Variants in MYADM observed in about 807,000 individuals in gnomAD.
MYADM encodes the protein myeloid associated differentiation marker.
For synonymous variants in MYADM, 224 were observed against 210.2 expected, an observed-to-expected ratio of 1.07 and a Z score of -0.57; for missense variants, 416 against 443.4, an observed-to-expected ratio of 0.94 and a Z score of 0.56.
intron 2 of MYADM, among the ~76,000 whole-genome samples, chr19:53,870,625 A>C (rs167416): frequency 6.6e-6 from 1 of 152,156 alleles, no homozygotes; most frequent in Admixed American, 6.5e-5. Flanking sequence ...TGCGACTGCC[A>C]CGAAGAGGTT....
At position 53,873,524 on chromosome 19, in the gene MYADM, G is replaced by T; in HGVS notation, c.-2-4G>T. On this transcript the variant is annotated splice_polypyrimidine_tract_variant and splice_region_variant and intron_variant, in intron 2 of 2. Transcript: ENST00000391770. The surrounding 1 kb of genome is among the most constrained non-coding windows in gnomAD (Gnocchi z 4.3). ...TAAGGACACTGTCTTTCCCCTTTTTGCAGCCATGCCAGTGACGGTAACCCG... is the reference window on the plus strand; with the variant it reads ...TAAGGACACTGTCTTTCCCCTTTTTTCAGCCATGCCAGTGACGGTAACCCG... 1 of 1,582,106 alleles carries T rather than the reference G, an allele frequency of 6.3e-7. No individual in the cohort carries two copies. The highest frequency in any genetic ancestry group is 8.6e-7 in the Non-Finnish European group (1 of 1,165,030).
At position 53,874,655 on chromosome 19, in the gene MYADM, T is replaced by G; in HGVS notation, c.*157T>G. On this transcript the variant is annotated 3_prime_UTR_variant, in exon 3 of 3. Coordinates refer to ENST00000391770, the MANE Select transcript of MYADM (RefSeq NM_138373.5). ...TTCTTTCCTTCCCAATTCCTTGCAC[T>G]CTAACCAGTTCTTGGATGCATCTTC... The G allele has an allele frequency of 1.3e-6, 1 of 758,358 alleles. No individual in the cohort carries two copies. Among genetic ancestry groups the G allele is most frequent in the Non-Finnish European group, 2.0e-6 (1 of 494,966 alleles). The allele number at this position is 758,358 out of a possible 1,614,324, so 47.0% of individuals were successfully genotyped here.
Position 53,868,294 on chromosome 19 carries a change from C to T in MYADM, c.-88+351C>T, listed in dbSNP as rs1285225074. 6.6e-6 allele frequency among the ~76,000 whole-genome samples: 1 copy of T among 150,580 alleles called. No homozygotes were observed. On this transcript the variant is annotated intron_variant, in intron 1 of 2. Coordinates refer to ENST00000391770, the MANE Select transcript of MYADM (RefSeq NM_138373.5). The surrounding 1 kb of genome is among the most constrained non-coding windows in gnomAD (Gnocchi z 6.3). ...TGAGGGAGGAGGAGCTGGGCCTGGA[C>T]TCCTGAGTCTGAGGGAGGAGGGGCT...
chr19:53,870,661 G>A (rs918602633), intron 2 of MYADM, among the ~76,000 whole-genome samples: 10 of 152,204 alleles, frequency 6.6e-5, no homozygotes, highest in African/African-American at 2.4e-4. Flanking sequence ...GCCCTGCAAA[G>A]TGCCTGAAGC....
At chr19:53,870,551 C>T (rs527901721) in intron 2 of MYADM, among the ~76,000 whole-genome samples, 1 of 152,216 alleles carries the variant, frequency 6.6e-6, no homozygotes, top group Admixed American at 6.5e-5. Flanking sequence ...GTCCCAGACA[C>T]TGAGGTATCT....
At chr19:53,872,050 C>G (rs926688448) in intron 2 of MYADM, among the ~76,000 whole-genome samples, 3 of 151,978 alleles carry the variant, frequency 2.0e-5, no homozygotes, top group African/African-American at 7.3e-5. Context: ...AAGCGCCCAC[C>G]ACCACACCCA....
intron 2 of MYADM, among the ~76,000 whole-genome samples, chr19:53,870,959 A>C (rs952087739): frequency 1.3e-5 from 2 of 152,180 alleles, no homozygotes; most frequent in Non-Finnish European, 2.9e-5. Context: ...GGCCAGGCGC[A>C]GTGGCTCATG....
At chr19:53,865,919 C>T (rs2068239565), upstream of MYADM, 1 of 152,106 alleles carries the variant, frequency 6.6e-6, no homozygotes, top group Admixed American at 6.6e-5. Context: ...GTCCCGACTC[C>T]CTATCTGTCC....
rs180899434 is a variant in MYADM, at chr19:53,874,371, G to A, written c.842G>A (p.Arg281His). The stretch of plus-strand genomic sequence containing the variant: ...CGCTCGAGAGATGTAAGCTGCAGCC[G>A]CAGCCATGCCTACTACGTGTGTGCC... ...PRRSRDVSCSRSHAYYVCAWD... is the reference protein window; with the variant it reads ...PRRSRDVSCSHSHAYYVCAWD... Residue 281 changes from arginine to histidine, a missense_variant, in exon 3 of 3, where the codon CGC (arginine) becomes CAC (histidine). Coordinates refer to ENST00000391770, the MANE Select transcript of MYADM (RefSeq NM_138373.5). 3 of 1,614,134 alleles carry A rather than the reference G, an allele frequency of 1.9e-6. No individual in the cohort carries two copies. In the African/African-American group the frequency reaches 4.0e-5, roughly 22 times the overall value.
rs2122891587 is a variant in MYADM at position 53,868,257 on chromosome 19, GA to G, written c.-88+315del. ...CGAGGGAGGAGGGGCTGAGGGCCTG[GA>G]CTCCTGGGTCTGAGGGAGGAGGAGC... is the stretch of plus-strand genomic sequence containing the variant. On this transcript the variant is annotated intron_variant, in intron 1 of 2. Transcript: ENST00000391770. This position sits in a 1 kb window ranked among gnomAD's most constrained non-coding sequence, Gnocchi z 6.3. Among the ~76,000 whole-genome samples the G allele has an allele frequency of 6.6e-6, 1 of 151,808 alleles. No homozygotes were observed. Among genetic ancestry groups the G allele is most frequent in the East Asian group, 1.9e-4 (1 of 5,146 alleles).
In MYADM at chr19:53,872,011, G is replaced by C. The variant is rs192761325; in HGVS notation, c.-2-1517G>C. Reference sequence around the variant, plus strand: ...CCTCTAGGGTTCAAGCGATTCTCCTGCCTCAGCCTCCCAAGTAGCTGCGAT... The same window carrying C: ...CCTCTAGGGTTCAAGCGATTCTCCTCCCTCAGCCTCCCAAGTAGCTGCGAT... On this transcript the variant is annotated intron_variant, in intron 2 of 2. Transcript: ENST00000391770. Among the ~76,000 whole-genome samples the C allele has an allele frequency of 4.3e-3, 649 of 152,090 alleles. 6 individuals are homozygous for C. The highest frequency in any genetic ancestry group is 0.015 in the African/African-American group (629 of 41,468).
chr19:53,874,518 C>CG lies in MYADM; in HGVS notation c.*21dup. The stretch of plus-strand genomic sequence containing the variant: ...GTCTAAGACTCTCCCAAGAGGCTCC[C>CG]GTTCCCTCTCCAACCTCTTTGTTCT... On this transcript the variant is annotated 3_prime_UTR_variant, in exon 3 of 3. Coordinates refer to ENST00000391770, the MANE Select transcript of MYADM (RefSeq NM_138373.5). 5 of 1,559,376 alleles carry CG rather than the reference C, an allele frequency of 3.2e-6. No homozygotes were observed. Among genetic ancestry groups the CG allele is most frequent in the Non-Finnish European group, 4.3e-6 (5 of 1,153,184 alleles).
chr19:53,873,927 C>T lies in MYADM; in HGVS notation c.398C>T (p.Ser133Leu), dbSNP rs775841521. The change falls in exon 3 of 3, where the codon TCG becomes TTG. Residue 133 changes from serine to leucine, a missense_variant. Coordinates refer to ENST00000391770, the MANE Select transcript of MYADM (RefSeq NM_138373.5). This position sits in a 1 kb window ranked among gnomAD's most constrained non-coding sequence, Gnocchi z 4.3. ...GTCCAGTTCCTGTCCCACGGCCGTT[C>T]GCGGGACCACGCCATCGCCGCCACC... ...TYVQFLSHGR[S>L]RDHAIAATFF... 25 of 1,611,738 alleles carry T rather than the reference C, an allele frequency of 1.6e-5. No homozygotes were observed. The highest frequency in any genetic ancestry group is 1.9e-5 in the Non-Finnish European group (23 of 1,180,032).
In MYADM at chr19:53,874,168, C is replaced by T. The variant is rs1340713282; in HGVS notation, c.639C>T (p.Cys213=). The change falls in exon 3 of 3, where the codon TGC becomes TGT. Residue 213 remains cysteine, a synonymous_variant. Coordinates refer to ENST00000391770, the MANE Select transcript of MYADM (RefSeq NM_138373.5). ...LEWCVAVYAI[C]FILAAIAILL... ...GGTGCGTGGCGGTGTACGCCATCTG[C>T]TTCATCCTAGCGGCCATCGCCATCC... The T allele has an allele frequency of 6.2e-7, 1 of 1,613,954 alleles. No individual in the cohort carries two copies. The highest frequency in any genetic ancestry group is 1.7e-5 in the Admixed American group (1 of 60,032).
upstream of MYADM, chr19:53,867,763 G>A (rs1209632811): frequency 6.6e-6 from 1 of 152,464 alleles, no homozygotes; most frequent in Non-Finnish European, 1.5e-5. Context: ...GGCGGGGCTG[G>A]GATAGCCCAG....
At position 53,873,440 on chromosome 19, in the gene MYADM, A is replaced by T; in HGVS notation, c.-2-88A>T. Reference sequence around the variant, plus strand: ...GAACTCCCTAATTAGAGCTCATATTAATTTGTCCCTGGGGTAGGCAATGGC... The same window carrying T: ...GAACTCCCTAATTAGAGCTCATATTTATTTGTCCCTGGGGTAGGCAATGGC... On this transcript the variant is annotated intron_variant, in intron 2 of 2. Transcript: ENST00000391770. The surrounding 1 kb of genome is among the most constrained non-coding windows in gnomAD (Gnocchi z 4.3). The T allele has an allele frequency of 7.2e-7, 1 of 1,388,900 alleles. No homozygotes were observed. The highest frequency in any genetic ancestry group is 9.8e-7 in the Non-Finnish European group (1 of 1,020,964). The allele number at this position is 1,388,900 out of a possible 1,614,324, so 86.0% of individuals were successfully genotyped here.
chr19:53,866,016 A>AG (rs2068240543), upstream of MYADM: 1 of 152,256 alleles, frequency 6.6e-6, no homozygotes, highest in Admixed American at 6.6e-5. This position sits in a 1 kb window ranked among gnomAD's most constrained non-coding sequence, Gnocchi z 4.3. Flanking sequence ...AGTGACAAAG[A>AG]GGGTCTGTGT....
chr19:53,875,148 C>G lies in MYADM; in HGVS notation c.*650C>G, dbSNP rs1301967498. 6.0e-6 allele frequency: 1 copy of G among 166,846 alleles called. No individual in the cohort carries two copies. The highest frequency in any genetic ancestry group is 1.5e-5 in the Non-Finnish European group (1 of 68,394). The allele number at this position is 166,846 out of a possible 1,614,324, so 10.3% of individuals were successfully genotyped here. A position where few individuals can be genotyped will look rare whatever the true frequency, so the allele number is the denominator to read the frequency against. ...CCATGCCACAGCCCCCCAAGGGGCCCCATTGCCAAAGCATGCCTGCCCACC... is the reference window on the plus strand; with the variant it reads ...CCATGCCACAGCCCCCCAAGGGGCCGCATTGCCAAAGCATGCCTGCCCACC... On this transcript the variant is annotated 3_prime_UTR_variant, in exon 3 of 3. Coordinates refer to ENST00000391770, the MANE Select transcript of MYADM (RefSeq NM_138373.5).
intron 2 of MYADM, among the ~76,000 whole-genome samples, chr19:53,870,348 C>G: frequency 8.6e-6 from 1 of 116,450 alleles, no homozygotes; most frequent in African/African-American, 4.0e-5. Context: ...GTCTGGACTC[C>G]TGGGTCCGAG....
Sources: gnomAD v4.1 joint callset for allele counts (sites outside exome capture counted in the v4.1 genomes callset) on GRCh38, gnomAD v4.1.1 for gene constraint, Gnocchi (gnomAD v3.1) non-coding constraint, MANE v1.5 for transcripts, NCBI Gene and HGNC (gene_info 2026-07-23, HGNC 2026-07-21) for gene names.